The following TRAPPC9 variants were observed in gnomAD, a reference collection of about 807,000 sequenced individuals.
The protein encoded by TRAPPC9 is trafficking protein particle complex subunit 9.
TRAPPC9 carries 83 observed loss-of-function variants against 124.0 expected under a neutral mutation model. The observed-to-expected ratio is 0.67, with a 90% confidence interval of 0.56 to 0.80. The LOEUF is 0.80. Ranked by LOEUF, TRAPPC9 falls within the 30% of genes least tolerant of loss-of-function variation. The pLI, the probability that TRAPPC9 is intolerant of heterozygous loss-of-function variation, is 0.00. For missense variants in TRAPPC9, 1,302 were observed against 1,508.3 expected, an observed-to-expected ratio of 0.86 and a Z score of 2.27; for synonymous variants, 638 against 617.5, an observed-to-expected ratio of 1.03 and a Z score of -0.49.
intron 9 of TRAPPC9, among the ~76,000 whole-genome samples, chr8:140,351,777 T>A (rs750874329): frequency 3.9e-5 from 6 of 152,194 alleles, no homozygotes; most frequent in Non-Finnish European, 8.8e-5. Context: ...GTGCTTCCCA[T>A]CACGCTTACA....
Position 140,353,222 on chromosome 8 carries a change from T to G in TRAPPC9, c.1495+6828A>C, listed in dbSNP as rs2067639549. 6.6e-6 allele frequency among the ~76,000 whole-genome samples: 1 copy of G among 152,218 alleles called. No homozygotes were observed. The highest frequency in any genetic ancestry group is 2.1e-4 in the South Asian group (1 of 4,828). On this transcript the variant is annotated intron_variant, in intron 9 of 22. Transcript: ENST00000438773. This position sits in a 1 kb window ranked among gnomAD's most constrained non-coding sequence, Gnocchi z 4.2. Reference sequence around the variant, plus strand: ...GAGAACATCACACTCCCTGCCATCCTAACCTGGTAAAGTCATTCCAACAGC... The same window carrying G: ...GAGAACATCACACTCCCTGCCATCCGAACCTGGTAAAGTCATTCCAACAGC...
chr8:140,215,441 G>A (rs771428267), intron 17 of TRAPPC9, among the ~76,000 whole-genome samples: 1 of 151,936 alleles, frequency 6.6e-6, no homozygotes, highest in Non-Finnish European at 1.5e-5. Flanking sequence ...TCCGGAGTTC[G>A]GGACCAGCCC....
At chr8:139,860,472 A>G (rs1236760445) in intron 21 of TRAPPC9, among the ~76,000 whole-genome samples, 3 of 152,188 alleles carry the variant, frequency 2.0e-5, no homozygotes, top group Non-Finnish European at 4.4e-5. Flanking sequence ...GTCACCCCCA[A>G]TGCCAGGATC....
chr8:140,323,964 G>A (rs895201089), intron 9 of TRAPPC9, among the ~76,000 whole-genome samples: 1 of 152,078 alleles, frequency 6.6e-6, no homozygotes, highest in Non-Finnish European at 1.5e-5. Context: ...GTTCTTTAGT[G>A]GTAATTTCTG....
chr8:139,770,580 T>C (rs1389854953), intron 21 of TRAPPC9, among the ~76,000 whole-genome samples: 1 of 152,164 alleles, frequency 6.6e-6, no homozygotes, highest in Non-Finnish European at 1.5e-5. Context: ...GTGCCTCAAC[T>C]GAGAGCTCCC....
At chr8:139,784,133 G>A (rs1822014167) in intron 21 of TRAPPC9, among the ~76,000 whole-genome samples, 1 of 152,108 alleles carries the variant, frequency 6.6e-6, no homozygotes, top group Admixed American at 6.5e-5. Context: ...GAAGTACTAG[G>A]CAAAGAAAAA....
At chr8:140,340,630 A>C (rs919838936) in intron 9 of TRAPPC9, among the ~76,000 whole-genome samples, 3 of 152,224 alleles carry the variant, frequency 2.0e-5, no homozygotes, top group Admixed American at 2.0e-4. Flanking sequence ...AAGTCAGTAA[A>C]TTGTCAAAGG....
intron 17 of TRAPPC9, among the ~76,000 whole-genome samples, chr8:140,144,860 T>C (rs2061433732): frequency 6.6e-6 from 1 of 152,046 alleles, no homozygotes; most frequent in Admixed American, 6.5e-5. Flanking sequence ...AGAGGAAACC[T>C]GTTGAACTCT....
chr8:140,011,830 AT>A (rs1839156963), intron 18 of TRAPPC9, among the ~76,000 whole-genome samples: 1 of 151,888 alleles, frequency 6.6e-6, no homozygotes, highest in African/African-American at 2.4e-5. Flanking sequence ...GGTGCCTGCC[AT>A]CTCACCCAGC....
chr8:140,238,067 C>G (rs961992463), intron 16 of TRAPPC9, among the ~76,000 whole-genome samples: 3 of 152,182 alleles, frequency 2.0e-5, no homozygotes, highest in African/African-American at 7.2e-5. Flanking sequence ...TCTGAAATCC[C>G]TGTCCTGAAC....
At chr8:139,885,286 CAAG>C (rs1256793626) in intron 21 of TRAPPC9, among the ~76,000 whole-genome samples, 2 of 152,274 alleles carry the variant, frequency 1.3e-5, no homozygotes, top group East Asian at 1.9e-4. Context: ...CCAGGTGCAA[CAAG>C]AAGAAGCAGT....
At position 139,892,224 on chromosome 8, in the gene TRAPPC9, C is replaced by T. The variant is rs139774553; in HGVS notation, c.2965-6255G>A. On this transcript the variant is annotated intron_variant, in intron 20 of 22. Coordinates refer to ENST00000438773, the MANE Select transcript of TRAPPC9 (RefSeq NM_001160372.4). ...CACTGCTGTGCTGCTCTGGCCCCCA[C>T]CCCGGCATGGAGCCCTCTCTCCCCA... 4.8e-3 allele frequency among the ~76,000 whole-genome samples: 728 copies of T among 152,350 alleles called. 26 individuals carry two copies. The highest frequency in any genetic ancestry group is 0.038 in the Admixed American group (581 of 15,308).
At chr8:140,057,727 T>C (rs538805981) in intron 17 of TRAPPC9, among the ~76,000 whole-genome samples, 53 of 152,334 alleles carry the variant, frequency 3.5e-4, no homozygotes, top group Admixed American at 5.9e-4. Context: ...TTTTCAGTTA[T>C]ACAAGGTGAG....
intron 21 of TRAPPC9, among the ~76,000 whole-genome samples, chr8:139,756,401 A>G (rs56314937): frequency 0.085 from 4,635 of 54,232 alleles, 346 homozygotes; most frequent in African/African-American, 0.14. Context: ...GTTGGGGTAT[A>G]AGGACAGCAG....
chr8:140,228,311 T>G (rs2063502135), intron 16 of TRAPPC9, among the ~76,000 whole-genome samples: 1 of 152,206 alleles, frequency 6.6e-6, no homozygotes, highest in Admixed American at 6.5e-5. Flanking sequence ...TGCTTTCTCA[T>G]TTAGTCATAA....
intron 21 of TRAPPC9, among the ~76,000 whole-genome samples, chr8:139,795,902 G>A (rs188011530): frequency 5.9e-4 from 90 of 152,252 alleles, no homozygotes; most frequent in African/African-American, 2.1e-3. Flanking sequence ...CACGGTGAAC[G>A]TTCACTGAAC....
intron 17 of TRAPPC9, among the ~76,000 whole-genome samples, chr8:140,183,862 AAAG>A (rs1173930930): frequency 2.3e-3 from 70 of 30,626 alleles, no homozygotes; most frequent in African/African-American, 6.1e-3. Context: ...CAAAAAAAAA[AAAG>A]AAGAAGAAGA....
At chr8:139,958,927 ACGGGGG>A (rs1835179473) in intron 19 of TRAPPC9, among the ~76,000 whole-genome samples, 3 of 148,988 alleles carry the variant, frequency 2.0e-5, no homozygotes, top group Admixed American at 6.7e-5. Context: ...TCCGAGTCAC[ACGGGGG>A]AGCACTGCAT....
rs2071301608 is a variant in TRAPPC9 at position 140,447,328 on chromosome 8, A to G, written c.584+3462T>C. Among the ~76,000 whole-genome samples the G allele has an allele frequency of 3.9e-5, 6 of 152,216 alleles. No homozygotes were observed. The South Asian group carries it at 1.2e-3, about 32-fold the overall frequency. ...AAAATGAAAAGACTATCCAGTTAACATATAGATTTAGACAGCAGTGTTTGT... is the reference window on the plus strand; with the variant it reads ...AAAATGAAAAGACTATCCAGTTAACGTATAGATTTAGACAGCAGTGTTTGT... On this transcript the variant is annotated intron_variant, in intron 2 of 22. Coordinates refer to ENST00000438773, the MANE Select transcript of TRAPPC9 (RefSeq NM_001160372.4).
Sources: allele counts gnomAD v4.1 joint callset (sites outside exome capture counted in the v4.1 genomes callset), GRCh38; gene constraint gnomAD v4.1.1; non-coding constraint Gnocchi (gnomAD v3.1); transcripts MANE v1.5; gene names NCBI Gene and HGNC (gene_info 2026-07-23, HGNC 2026-07-21).